Variants in SLC43A3 observed in about 807,000 individuals in gnomAD.
The protein encoded by SLC43A3 is equilibrative nucleobase transporter 1.
A neutral mutation model predicts 53.3 loss-of-function variants in SLC43A3; 33 were observed. The ratio of observed to expected loss-of-function variants is 0.62; its 90% CI spans 0.47 to 0.83. SLC43A3 has a LOEUF of 0.83. SLC43A3 is among the 40% of genes least tolerant of loss of function. SLC43A3 has a pLI of 0.00. For missense variants in SLC43A3, 530 were observed against 610.0 expected (o/e 0.87, Z 1.38); for synonymous variants, 236 against 246.2 (o/e 0.96, Z 0.39).
chr11:57,415,689 G>A (rs904172057), intron 9 of SLC43A3, among the ~76,000 whole-genome samples: 1 of 152,068 alleles, frequency 6.6e-6, no homozygotes, highest in Non-Finnish European at 1.5e-5. Context: ...TCTAAAATAG[G>A]TCCTACACCC....
At chr11:57,408,010 C>T (rs1437420440) in intron 13 of SLC43A3, 114 bp from the exon 14 acceptor site, 16 of 679,294 alleles carry the variant, frequency 2.4e-5, no homozygotes, top group Non-Finnish European at 3.1e-5. Context: ...AGAAGTCTAC[C>T]GAGTTTATAT....
intron 13 of SLC43A3, chr11:57,408,716 C>T (rs1223593608): frequency 6.2e-6 from 1 of 160,650 alleles, no homozygotes; most frequent in Non-Finnish European, 1.4e-5. Context: ...GACTTTTGCT[C>T]CTTAGCTGGT....
In SLC43A3 at chr11:57,414,920, C is replaced by A. The variant is rs1202093953; in HGVS notation, c.943+13G>T. On this transcript the variant is annotated intron_variant, in intron 10 of 13. Transcript: ENST00000395124. ...GACATGCAGATGGGCTACCTCCCAG[C>A]CCTACCACATACCTCGTGCCATGTC... The A allele has an allele frequency of 1.2e-6, 2 of 1,611,494 alleles. No homozygotes were observed. The highest frequency in any genetic ancestry group is 8.5e-7 in the Non-Finnish European group (1 of 1,180,016).
intron 3 of SLC43A3, 60 bp downstream of exon 3, chr11:57,425,929 T>TCTCA: frequency 6.5e-7 from 1 of 1,539,686 alleles, no homozygotes; most frequent in South Asian, 1.2e-5. Context: ...TCCTTCCTGC[T>TCTCA]CCTTGCCACC....
At chr11:57,415,510 T>G (rs1942679030) in intron 9 of SLC43A3, 1 of 748,038 alleles carries the variant, frequency 1.3e-6, no homozygotes, top group African/African-American at 1.8e-5. Flanking sequence ...CTCCCTTTCT[T>G]TTGATACCAG....
intron 13 of SLC43A3, chr11:57,408,880 G>A: frequency 2.8e-6 from 1 of 357,750 alleles, no homozygotes; most frequent in South Asian, 3.0e-5. Context: ...GGCCAACTGT[G>A]GAAACCCTGT....
At chr11:57,417,611 A>T in intron 8 of SLC43A3, 137 bp downstream of exon 8, 1 of 1,001,740 alleles carries the variant, frequency 1.0e-6, no homozygotes, top group Non-Finnish European at 1.4e-6. Flanking sequence ...GTTTTGAGAT[A>T]GTTTGTTATG....
At chr11:57,417,602 T>C (rs1942781433) in intron 8 of SLC43A3, 146 bp downstream of exon 8, 2 of 952,906 alleles carry the variant, frequency 2.1e-6, no homozygotes. Context: ...GGCTGCTGAG[T>C]TTTGAGATAG....
chr11:57,409,127 C>G, intron 13 of SLC43A3, 48 bp downstream of exon 13: 1 of 1,610,864 alleles, frequency 6.2e-7, no homozygotes, highest in Non-Finnish European at 8.5e-7. Flanking sequence ...CAGCCAAGGC[C>G]TAAGGCCCAG....
At chr11:57,427,123 C>G (rs1245106038), upstream of SLC43A3, 1 of 152,634 alleles carries the variant, frequency 6.6e-6, no homozygotes, top group East Asian at 1.9e-4. Context: ...CGCATTCGCG[C>G]CTCTCGCAGC....
chr11:57,412,306 T>C (rs1942511696), intron 11 of SLC43A3, among the ~76,000 whole-genome samples: 1 of 152,188 alleles, frequency 6.6e-6, no homozygotes, highest in Non-Finnish European at 1.5e-5. Context: ...AGAAGAATCA[T>C]GACAGAACAG....
chr11:57,421,201 AC>A, intron 6 of SLC43A3, 95 bp downstream of exon 6: 2 of 1,292,842 alleles, frequency 1.5e-6, no homozygotes, highest in Non-Finnish European at 2.2e-6. Context: ...GCTTGGGCCA[AC>A]CCCATCTGAG....
intron 5 of SLC43A3, among the ~76,000 whole-genome samples, chr11:57,423,486 T>C (rs1316174512): frequency 6.6e-6 from 1 of 152,192 alleles, no homozygotes; most frequent in Admixed American, 6.5e-5. Context: ...TGGAGTGCAA[T>C]GGTGTGATCT....
chr11:57,421,333 G>A lies in SLC43A3; in HGVS notation c.402C>T (p.Thr134=), dbSNP rs771157978. 3.1e-6 allele frequency: 5 copies of A among 1,613,866 alleles called. No homozygotes were observed. The highest frequency in any genetic ancestry group is 3.4e-6 in the Non-Finnish European group (4 of 1,179,966). The change falls in exon 6 of 14, where the codon ACC becomes ACT. Residue 134 remains threonine, a synonymous_variant. Transcript: ENST00000395124. ...VLLFLAMPML[T]IGGILFLITN... ...TGATGAGAAACAGGATTCCCCCAATGGTGAGCATTGGCATGGCCAGGAAGA... is the reference window on the plus strand; with the variant it reads ...TGATGAGAAACAGGATTCCCCCAATAGTGAGCATTGGCATGGCCAGGAAGA...
upstream of SLC43A3, chr11:57,427,215 CCTT>C (rs1943232186): frequency 6.5e-6 from 1 of 152,814 alleles, no homozygotes; most frequent in Non-Finnish European, 1.5e-5. Flanking sequence ...TCCATCACTT[CCTT>C]CTTCTTTTCC....
At position 57,407,767 on chromosome 11, in the gene SLC43A3, G is replaced by A; in HGVS notation, c.*25C>T. 1 of 1,485,462 alleles carries A rather than the reference G, an allele frequency of 6.7e-7. No homozygotes were observed. Among genetic ancestry groups the A allele is most frequent in the Non-Finnish European group, 9.4e-7 (1 of 1,064,170 alleles). 92.0% of individuals were successfully genotyped at this position (1,485,462 alleles called of 1,614,324 possible). On this transcript the variant is annotated 3_prime_UTR_variant, in exon 14 of 14. Coordinates refer to ENST00000395124, the MANE Select transcript of SLC43A3 (RefSeq NM_199329.3). ...TGGAAGATGAACAAAACCATCCTCG[G>A]GGCTGAAAAGTGAGGGCTTCTGAAC... is the stretch of plus-strand genomic sequence containing the variant.
intron 9 of SLC43A3, among the ~76,000 whole-genome samples, chr11:57,416,367 C>A (rs1027443823): frequency 6.6e-6 from 1 of 151,978 alleles, no homozygotes; most frequent in South Asian, 2.1e-4. Context: ...TGATAGGATG[C>A]GAAATAGAGA....
At chr11:57,421,812 G>A (rs1045643434) in intron 5 of SLC43A3, among the ~76,000 whole-genome samples, 4 of 152,168 alleles carry the variant, frequency 2.6e-5, no homozygotes, top group African/African-American at 9.7e-5. Flanking sequence ...CTGTTTAATG[G>A]GAACAACAGT....
chr11:57,425,935 C>A, intron 3 of SLC43A3, 54 bp downstream of exon 3: 2 of 1,562,388 alleles, frequency 1.3e-6, no homozygotes, highest in East Asian at 4.5e-5. Context: ...CTGCTCCTTG[C>A]CACCACGTGG....
Sources: gnomAD v4.1 joint callset for allele counts (sites outside exome capture counted in the v4.1 genomes callset) on GRCh38, gnomAD v4.1.1 for gene constraint, MANE v1.5 for transcripts, NCBI Gene and HGNC (gene_info 2026-07-23, HGNC 2026-07-21) for gene names.